C1orf94: variants seen among roughly 807,000 people sequenced by gnomAD.
C1orf94 encodes chromosome 1 open reading frame 94.
Under a neutral mutation model 53.6 loss-of-function variants are expected in C1orf94, and 45 were observed. The ratio of observed to expected loss-of-function variants is 0.84; its 90% CI spans 0.66 to 1.08. The LOEUF (loss-of-function observed/expected upper bound fraction) is 1.08, where lower values mean the gene tolerates loss of function less well. Among genes scored for constraint, C1orf94 ranks in the 50% least tolerant of loss-of-function variants. The pLI, the probability that C1orf94 is intolerant of heterozygous loss-of-function variation, is 0.00. For synonymous variants in C1orf94, 304 were observed against 296.1 expected (o/e 1.03, Z -0.27); for missense variants, 762 against 738.9 (o/e 1.03, Z -0.36).
At chr1:34,192,288 G>C (rs1380077062) in intron 1 of C1orf94, among the ~76,000 whole-genome samples, 1 of 152,212 alleles carries the variant, frequency 6.6e-6, no homozygotes, top group Non-Finnish European at 1.5e-5. Flanking sequence ...GGTCAATGCG[G>C]GTTCTGTGTG....
intron 1 of C1orf94, among the ~76,000 whole-genome samples, chr1:34,180,188 G>A (rs1049312257): frequency 2.0e-5 from 3 of 152,180 alleles, no homozygotes; most frequent in African/African-American, 7.2e-5. Context: ...TTGTAGGGTT[G>A]TTGGAATGAT....
intron 5 of C1orf94, 70 bp downstream of exon 5, chr1:34,208,304 CCCT>C: frequency 6.9e-7 from 1 of 1,458,550 alleles, no homozygotes; most frequent in East Asian, 2.4e-5. Flanking sequence ...TGCATCTGCT[CCCT>C]CCTCCTTTTC....
At position 34,200,941 on chromosome 1, in the gene C1orf94, C is replaced by T. The variant is rs1310515482; in HGVS notation, c.1179C>T (p.Asn393=). 21 of 1,614,126 alleles carry T rather than the reference C, an allele frequency of 1.3e-5. No homozygotes were observed. Among genetic ancestry groups the T allele is most frequent in the Non-Finnish European group, 1.8e-5 (21 of 1,180,024 alleles). The stretch of plus-strand genomic sequence containing the variant: ...AACCTACATGTCCAGCCGAGAAGAA[C>T]TTGCTCTATGAGTTCCTTGGGGCCA... The part of the protein sequence containing the change: ...PKKPTCPAEK[N]LLYEFLGATK... Residue 393 remains asparagine (N), a synonymous_variant, in exon 3 of 7, where the codon AAC becomes AAT. Transcript: ENST00000488417.
Position 34,202,150 on chromosome 1 carries a change from A to C in C1orf94, c.1337A>C (p.His446Pro), listed in dbSNP as rs747845445. ...TACACAGGGAATGTTTTCACTCCAC[A>C]CTTTCCTACAGCCATGACCTCAGCA... ...PKYTGNVFTP[H>P]FPTAMTSATL... The change falls in exon 4 of 7, where the codon CAC (histidine) becomes CCC (proline). Residue 446 changes from histidine to proline, a missense_variant. Coordinates refer to ENST00000488417, the MANE Select transcript of C1orf94 (RefSeq NM_001134734.2). 1 of 1,614,126 alleles carries C rather than the reference A, an allele frequency of 6.2e-7. No homozygotes were observed. Among genetic ancestry groups the C allele is most frequent in the Admixed American group, 1.7e-5 (1 of 60,022 alleles).
At chr1:34,190,431 C>G (rs1642463084) in intron 1 of C1orf94, among the ~76,000 whole-genome samples, 1 of 152,202 alleles carries the variant, frequency 6.6e-6, no homozygotes, top group Non-Finnish European at 1.5e-5. Flanking sequence ...GCCCCATCCA[C>G]TTGAACATTA....
chr1:34,212,422 C>G lies in C1orf94; in HGVS notation c.1721+16C>G, dbSNP rs182400683. On this transcript the variant is annotated intron_variant, in intron 6 of 6. Transcript: ENST00000488417. Reference sequence around the variant, plus strand: ...AAGGATATGGGTGAGTCAGCCCACACTGGGAGCCTAAGGGTATCCAGAAAG... The same window carrying G: ...AAGGATATGGGTGAGTCAGCCCACAGTGGGAGCCTAAGGGTATCCAGAAAG... 2 of 1,603,214 alleles carry G rather than the reference C, an allele frequency of 1.2e-6. No individual in the cohort carries two copies. The highest frequency in any genetic ancestry group is 2.2e-5 in the East Asian group (1 of 44,704).
At chr1:34,213,978 C>T (rs964239177) in intron 6 of C1orf94, among the ~76,000 whole-genome samples, 1 of 152,118 alleles carries the variant, frequency 6.6e-6, no homozygotes, top group African/African-American at 2.4e-5. Context: ...CTAACACACC[C>T]AGGGAAACGC....
Position 34,218,688 on chromosome 1 carries a change from T to C in C1orf94, c.1724T>C (p.Phe575Ser). 1 of 1,612,052 alleles carries C rather than the reference T, an allele frequency of 6.2e-7. No homozygotes were observed. Residue 575 changes from phenylalanine (F) to serine (S), a missense_variant and splice_region_variant, in exon 7 of 7, where the codon TTC becomes TCC. Physicochemically the swap from Phe to Ser is radical, Grantham distance 155 (BLOSUM62 -2). Coordinates refer to ENST00000488417, the MANE Select transcript of C1orf94 (RefSeq NM_001134734.2). ...PQYLFPQGYG[F>S]GSTSGGPLMH... is the part of the protein sequence containing the mutation. Reference sequence around the variant, plus strand: ...CATCCACCCTCCCTCTCTTCCAGGTTCGGCTCGACATCCGGAGGGCCCTTG... The same window carrying C: ...CATCCACCCTCCCTCTCTTCCAGGTCCGGCTCGACATCCGGAGGGCCCTTG...
At chr1:34,216,821 G>C (rs1642996050) in intron 6 of C1orf94, among the ~76,000 whole-genome samples, 1 of 152,208 alleles carries the variant, frequency 6.6e-6, no homozygotes, top group African/African-American at 2.4e-5. Flanking sequence ...GCTCACAACT[G>C]TATTCCCAGC....
At chr1:34,199,822 T>C (rs1439082094) in intron 2 of C1orf94, among the ~76,000 whole-genome samples, 1 of 152,184 alleles carries the variant, frequency 6.6e-6, no homozygotes, top group Non-Finnish European at 1.5e-5. Flanking sequence ...TCACAATGTC[T>C]CCTTGATGCT....
intron 2 of C1orf94, among the ~76,000 whole-genome samples, chr1:34,199,958 C>T (rs1200266573): frequency 6.6e-6 from 1 of 152,210 alleles, no homozygotes; most frequent in Non-Finnish European, 1.5e-5. Flanking sequence ...GCAGCCTCAG[C>T]CACCCTGTTC....
At chr1:34,183,993 A>C (rs1218023794) in intron 1 of C1orf94, among the ~76,000 whole-genome samples, 1 of 152,152 alleles carries the variant, frequency 6.6e-6, no homozygotes, top group Non-Finnish European at 1.5e-5. Context: ...AACACACTAT[A>C]GTAAGTGTTC....
At chr1:34,208,312 C>A (rs1642833444) in intron 5 of C1orf94, 78 bp downstream of exon 5, 6 of 1,406,526 alleles carry the variant, frequency 4.3e-6, no homozygotes, top group Non-Finnish European at 4.9e-6. Context: ...CTCCCTCCTC[C>A]TTTTCCAGCT....
chr1:34,202,232 GA>G lies in C1orf94; in HGVS notation c.1421del (p.Asn474IlefsTer36). Reference protein sequence around the residue: ...LNYPPPPVFTNHSTFLQYQGL... With the variant: ...LNYPPPPVFTXHSTFLQYQGL... ...ACTATCCACCTCCACCAGTGTTCAC[GA>G]ATCACTCTACCTTCTTGCAGTATCA... On this transcript the variant is annotated frameshift_variant, in exon 4 of 7. Transcript: ENST00000488417. LOFTEE classifies it high-confidence loss of function. The G allele has an allele frequency of 2.5e-6, 4 of 1,614,154 alleles. No homozygotes were observed. The highest frequency in any genetic ancestry group is 3.4e-6 in the Non-Finnish European group (4 of 1,180,014).
intron 1 of C1orf94, among the ~76,000 whole-genome samples, chr1:34,195,804 G>GTGTT: frequency 6.6e-6 from 1 of 151,992 alleles, no homozygotes; most frequent in East Asian, 1.9e-4. Flanking sequence ...GTGTGTGTGT[G>GTGTT]TGTGTGCGTT....
At chr1:34,202,567 T>A (rs1642730190) in intron 4 of C1orf94, among the ~76,000 whole-genome samples, 1 of 152,216 alleles carries the variant, frequency 6.6e-6, no homozygotes, top group Non-Finnish European at 1.5e-5. Flanking sequence ...GTTCACACTG[T>A]GCTCTTTATT....
intron 5 of C1orf94, among the ~76,000 whole-genome samples, chr1:34,209,231 A>G (rs539613782): frequency 6.6e-6 from 1 of 151,844 alleles, no homozygotes; most frequent in African/African-American, 2.4e-5. Flanking sequence ...TACATCTTGT[A>G]CCTAGATGCA....
intron 1 of C1orf94, among the ~76,000 whole-genome samples, chr1:34,179,161 T>C (rs1642276506): frequency 6.6e-6 from 1 of 152,222 alleles, no homozygotes; most frequent in Non-Finnish European, 1.5e-5. Context: ...AGCTCTACAC[T>C]ACCTGCTGTC....
intron 1 of C1orf94, among the ~76,000 whole-genome samples, chr1:34,194,261 G>A (rs761653260): frequency 1.3e-5 from 2 of 152,206 alleles, no homozygotes; most frequent in Non-Finnish European, 2.9e-5. Context: ...TAAGTGTTTT[G>A]TACAACTTAT....
Sources: gnomAD v4.1 joint callset for allele counts (sites outside exome capture counted in the v4.1 genomes callset) on GRCh38, gnomAD v4.1.1 for gene constraint, MANE v1.5 for transcripts, NCBI Gene and HGNC (gene_info 2026-07-23, HGNC 2026-07-21) for gene names.